ELAPOR2: variants seen among roughly 807,000 people sequenced by gnomAD.
ELAPOR2 encodes endosome-lysosome associated apoptosis and autophagy regulator family member 2.
A neutral mutation model predicts 120.7 loss-of-function variants in ELAPOR2; 89 were observed. The ratio of observed to expected loss-of-function variants is 0.74; its 90% confidence interval spans 0.62 to 0.88. The LOEUF (loss-of-function observed/expected upper bound fraction) is 0.88. Ranked by LOEUF, ELAPOR2 falls within the 40% of genes least tolerant of loss-of-function variation. The pLI is 0.00. For synonymous variants in ELAPOR2, 444 were observed against 444.9 expected (o/e 1.00, Z 0.03); for missense variants, 1,134 against 1,251.6 (o/e 0.91, Z 1.42).
In ELAPOR2 at chr7:87,041,229, C is replaced by A. The variant is rs538814067; in HGVS notation, c.189+18096G>T. ...GGAGAACTTCCCCAATCTAGCAAGG[C>A]AGGCCAACGTTCAGATTCAGGAAAT... is the stretch of plus-strand genomic sequence containing the variant. On this transcript the variant is annotated intron_variant, in intron 1 of 21. Coordinates refer to ENST00000450689, the MANE Select transcript of ELAPOR2 (RefSeq NM_001142749.3). 1.2e-4 allele frequency among the ~76,000 whole-genome samples: 19 copies of A among 152,140 alleles called. No homozygotes were observed. The East Asian group carries it at 3.7e-3, about 29-fold the overall frequency.
intron 1 of ELAPOR2, among the ~76,000 whole-genome samples, chr7:87,052,997 T>C (rs1032406071): frequency 6.6e-6 from 1 of 152,074 alleles, no homozygotes; most frequent in Admixed American, 6.6e-5. Context: ...AGGGTCTTGC[T>C]ATGTTGCCCA....
intron 1 of ELAPOR2, among the ~76,000 whole-genome samples, chr7:86,986,626 A>G (rs1006776505): frequency 6.7e-6 from 1 of 149,984 alleles, no homozygotes; most frequent in African/African-American, 2.5e-5. Context: ...ATACCTAGAA[A>G]TCCAACTTAC....
intron 20 of ELAPOR2, among the ~76,000 whole-genome samples, chr7:86,892,518 T>G (rs1368695888): frequency 6.6e-6 from 1 of 151,628 alleles, no homozygotes; most frequent in South Asian, 2.1e-4. Context: ...CTAGGTCTGG[T>G]TTTTTTTGCA....
At chr7:86,945,262 A>G (rs532689260) in intron 3 of ELAPOR2, among the ~76,000 whole-genome samples, 6 of 152,328 alleles carry the variant, frequency 3.9e-5, no homozygotes, top group African/African-American at 1.4e-4. Flanking sequence ...TTATATGATT[A>G]ATCTGCTAAG....
chr7:86,973,952 T>C (rs1401659420), intron 1 of ELAPOR2, among the ~76,000 whole-genome samples: 1 of 152,000 alleles, frequency 6.6e-6, no homozygotes, highest in Admixed American at 6.6e-5. Context: ...TACCACTTTA[T>C]AAACTAAAAT....
At chr7:86,920,239 C>T (rs1789766385) in intron 10 of ELAPOR2, among the ~76,000 whole-genome samples, 1 of 152,126 alleles carries the variant, frequency 6.6e-6, no homozygotes, top group African/African-American at 2.4e-5. Flanking sequence ...TACTAATCTA[C>T]ATACTTATAA....
At chr7:87,002,441 T>C (rs1346668237) in intron 1 of ELAPOR2, among the ~76,000 whole-genome samples, 1 of 152,118 alleles carries the variant, frequency 6.6e-6, no homozygotes, top group Non-Finnish European at 1.5e-5. Context: ...ATATAATTGT[T>C]ACCATGAGAA....
intron 3 of ELAPOR2, among the ~76,000 whole-genome samples, chr7:86,945,884 T>C (rs1014634): frequency 0.21 from 32,085 of 151,858 alleles, 5,393 homozygotes; most frequent in African/African-American, 0.47. Context: ...AAACCACAAA[T>C]TGGGAAGAAG....
intron 18 of ELAPOR2, among the ~76,000 whole-genome samples, chr7:86,901,040 T>G (rs977561880): frequency 2.0e-5 from 3 of 152,178 alleles, no homozygotes; most frequent in African/African-American, 4.8e-5. Context: ...CTTTTATAAT[T>G]TTTGGTTTAT....
At chr7:86,985,750 T>C (rs902404257) in intron 1 of ELAPOR2, among the ~76,000 whole-genome samples, 4 of 152,120 alleles carry the variant, frequency 2.6e-5, no homozygotes, top group African/African-American at 9.7e-5. Flanking sequence ...ATGTGCCATG[T>C]TGGTGTGCTG....
At chr7:86,898,609 G>A (rs1038883417) in intron 18 of ELAPOR2, among the ~76,000 whole-genome samples, 4 of 136,818 alleles carry the variant, frequency 2.9e-5, no homozygotes, top group Non-Finnish European at 6.2e-5. Flanking sequence ...TGGTAGAAAT[G>A]ATACCTAAGC....
intron 21 of ELAPOR2, among the ~76,000 whole-genome samples, chr7:86,886,978 A>C (rs1480488801): frequency 1.3e-5 from 2 of 151,002 alleles, no homozygotes; most frequent in African/African-American, 4.9e-5. Flanking sequence ...ACAGAACTCA[A>C]AGGCATTATC....
intron 18 of ELAPOR2, among the ~76,000 whole-genome samples, chr7:86,907,206 C>T (rs1402465130): frequency 2.6e-5 from 4 of 151,894 alleles, no homozygotes; most frequent in Admixed American, 2.6e-4. Flanking sequence ...AGCTAGAAAT[C>T]GATAATATAA....
chr7:87,048,238 A>T (rs1385616929), intron 1 of ELAPOR2, among the ~76,000 whole-genome samples: 6 of 150,880 alleles, frequency 4.0e-5, no homozygotes, highest in African/African-American at 1.5e-4. Flanking sequence ...GTGAGACTTC[A>T]TCTAGAAAAA....
intron 12 of ELAPOR2, among the ~76,000 whole-genome samples, chr7:86,916,538 AGAATTT>A: frequency 6.6e-6 from 1 of 152,210 alleles, no homozygotes; most frequent in Non-Finnish European, 1.5e-5. Context: ...GCCATGTTAC[AGAATTT>A]GAAGTGTATT....
chr7:86,987,749 G>A (rs949528592), intron 1 of ELAPOR2, among the ~76,000 whole-genome samples: 19 of 151,944 alleles, frequency 1.3e-4, no homozygotes, highest in Admixed American at 1.2e-3. Flanking sequence ...ACTGTTGGTG[G>A]GACTGTAAAG....
intron 1 of ELAPOR2, among the ~76,000 whole-genome samples, chr7:86,988,364 TA>T (rs1285453332): frequency 6.9e-6 from 1 of 145,810 alleles, no homozygotes; most frequent in African/African-American, 2.6e-5. Context: ...GGAAAAAAAT[TA>T]AAAATAACAA....
chr7:87,024,275 C>T (rs143367536), intron 1 of ELAPOR2, among the ~76,000 whole-genome samples: 33 of 151,928 alleles, frequency 2.2e-4, no homozygotes, highest in Non-Finnish European at 3.5e-4. Context: ...TAGCATGAAG[C>T]GTTGTTGAAT....
chr7:86,882,481 G>C (rs1423315061), intron 21 of ELAPOR2, among the ~76,000 whole-genome samples: 1 of 152,180 alleles, frequency 6.6e-6, no homozygotes, highest in East Asian at 1.9e-4. Flanking sequence ...ATCATGTTGA[G>C]ATAATAGGGC....
Sources: gnomAD v4.1 joint callset for allele counts (sites outside exome capture counted in the v4.1 genomes callset) on GRCh38, gnomAD v4.1.1 for gene constraint, MANE v1.5 for transcripts, NCBI Gene and HGNC (gene_info 2026-07-23, HGNC 2026-07-21) for gene names.